CSMD3: variants seen among roughly 807,000 people sequenced by gnomAD.
CSMD3 encodes CUB and Sushi multiple domains 3.
In CSMD3, 177 loss-of-function variants were observed where a neutral mutation model predicts 435.2. The ratio of observed to expected loss-of-function variants is 0.41; its 90% CI spans 0.36 to 0.46. The LOEUF is 0.46. CSMD3 is among the 20% of genes least tolerant of loss of function. CSMD3 has a pLI of 0.34. For synonymous variants in CSMD3, 1,656 were observed against 1,520.5 expected (o/e 1.09, Z -2.07); for missense variants, 4,265 against 4,504.6 (o/e 0.95, Z 1.52).
At chr8:113,032,938 G>A (rs2087180796) in intron 5 of CSMD3, among the ~76,000 whole-genome samples, 1 of 151,458 alleles carries the variant, frequency 6.6e-6, no homozygotes, top group Non-Finnish European at 1.5e-5. Flanking sequence ...AGGGGTCAAG[G>A]CACAGCTTGG....
intron 3 of CSMD3, among the ~76,000 whole-genome samples, chr8:113,266,897 A>G (rs1230231047): frequency 6.6e-6 from 1 of 151,696 alleles, no homozygotes; most frequent in Admixed American, 6.6e-5. Flanking sequence ...CTCAAACAAC[A>G]CAACAGGAGA....
intron 20 of CSMD3, among the ~76,000 whole-genome samples, chr8:112,642,097 T>G (rs1266397109): frequency 6.6e-6 from 1 of 152,140 alleles, no homozygotes; most frequent in African/African-American, 2.4e-5. Context: ...TATATATATC[T>G]GTATGACTTG....
chr8:112,492,812 C>G, intron 30 of CSMD3, 129 bp from the exon 31 acceptor site: 1 of 777,286 alleles, frequency 1.3e-6, no homozygotes, highest in East Asian at 2.6e-5. Context: ...TGTATCTGTA[C>G]TGAATATATA....
chr8:112,911,694 T>C (rs143055775), intron 10 of CSMD3, among the ~76,000 whole-genome samples: 2,146 of 141,328 alleles, frequency 0.015, 21 homozygotes, highest in Non-Finnish European at 0.022. Context: ...ATATATTTAG[T>C]TAATTGTTAT....
intron 61 of CSMD3, among the ~76,000 whole-genome samples, chr8:112,262,310 T>G (rs926104795): frequency 6.6e-6 from 1 of 152,134 alleles, no homozygotes; most frequent in African/African-American, 2.4e-5. Context: ...ATTGTTTTAC[T>G]TTCTATACCT....
intron 1 of CSMD3, among the ~76,000 whole-genome samples, chr8:113,434,986 A>T (rs995497818): frequency 3.9e-5 from 6 of 152,186 alleles, no homozygotes; most frequent in Non-Finnish European, 8.8e-5. Flanking sequence ...TTTTTCTGCC[A>T]GGGCTGCTGC....
At chr8:112,230,563 C>T (rs1159098820) in intron 69 of CSMD3, among the ~76,000 whole-genome samples, 5 of 152,058 alleles carry the variant, frequency 3.3e-5, no homozygotes, top group Non-Finnish European at 5.9e-5. Context: ...CCAAGGCGGG[C>T]GGATCACCTG....
chr8:112,535,024 C>T (rs902163411), intron 27 of CSMD3, among the ~76,000 whole-genome samples: 6 of 152,102 alleles, frequency 3.9e-5, no homozygotes, highest in Admixed American at 6.6e-5. Context: ...ATTGATGGGA[C>T]ATATCTCAAA....
At chr8:112,876,190 G>A (rs2081276787) in intron 10 of CSMD3, among the ~76,000 whole-genome samples, 1 of 151,976 alleles carries the variant, frequency 6.6e-6, no homozygotes, top group African/African-American at 2.4e-5. Flanking sequence ...GTAATTAATA[G>A]TATACCAACC....
chr8:113,300,802 T>C (rs562968666), intron 2 of CSMD3, among the ~76,000 whole-genome samples: 2 of 152,056 alleles, frequency 1.3e-5, no homozygotes, highest in Non-Finnish European at 1.5e-5. Context: ...AATATACCCA[T>C]GTAATGACCC....
At chr8:112,343,017 T>TATATATATATTTA (rs1563815796) in intron 41 of CSMD3, among the ~76,000 whole-genome samples, 8 of 52,546 alleles carry the variant, frequency 1.5e-4, no homozygotes, top group African/African-American at 3.4e-4. Flanking sequence ...ATATATATAT[T>TATATATATATTTA]TATATATATA....
intron 27 of CSMD3, among the ~76,000 whole-genome samples, chr8:112,521,941 T>A (rs62516493): frequency 0.032 from 4,858 of 151,862 alleles, 129 homozygotes; most frequent in Non-Finnish European, 0.053. Flanking sequence ...GTTTTAGAAA[T>A]TGTTCAAAAT....
Position 112,463,831 on chromosome 8 carries a change from C to A in CSMD3, c.5395+8760G>T, listed in dbSNP as rs563802673. Among the ~76,000 whole-genome samples the A allele has an allele frequency of 2.0e-5, 3 of 152,188 alleles. No homozygotes were observed. The South Asian group carries it at 6.2e-4, about 32-fold the overall frequency. On this transcript the variant is annotated intron_variant, in intron 32 of 70. Coordinates refer to ENST00000297405, the MANE Select transcript of CSMD3 (RefSeq NM_198123.2). Reference sequence around the variant, plus strand: ...AGAAGACCCAGGGAAAATATTGATACCCTGTGCAATACATGGGCTCACTGG... The same window carrying A: ...AGAAGACCCAGGGAAAATATTGATAACCTGTGCAATACATGGGCTCACTGG...
chr8:112,938,909 G>A (rs2083367188), intron 9 of CSMD3, among the ~76,000 whole-genome samples: 1 of 152,092 alleles, frequency 6.6e-6, no homozygotes, highest in African/African-American at 2.4e-5. Flanking sequence ...CTTCTGGTAT[G>A]TGAGTTTACT....
At position 112,472,666 on chromosome 8, in the gene CSMD3, G is replaced by A. The variant is rs1267981519; in HGVS notation, c.5320C>T (p.Leu1774=). The change falls in exon 32 of 71, where the codon CTA becomes TTA. Residue 1774 remains leucine, a synonymous_variant. Transcript: ENST00000297405. ...TAATTTTTTGGATAGTTTGGTGATA[G>A]AACAGTGCCTTCTGAACCTGTTGAA... ...SRSTGSEGTV[L]SPNYPKNYSV... is the part of the protein sequence containing the mutation. 2 of 1,612,044 alleles carry A rather than the reference G, an allele frequency of 1.2e-6. No individual in the cohort carries two copies. The highest frequency in any genetic ancestry group is 1.7e-6 in the Non-Finnish European group (2 of 1,178,372).
intron 32 of CSMD3, among the ~76,000 whole-genome samples, chr8:112,464,236 T>TTAAAAAAAAAAA (rs1817729945): frequency 8.5e-6 from 1 of 117,940 alleles, no homozygotes; most frequent in African/African-American, 3.7e-5. Context: ...AGACTCTGTT[T>TTAAAAAAAAAAA]CAAAAAAAAA....
intron 10 of CSMD3, among the ~76,000 whole-genome samples, chr8:112,877,721 T>C (rs2081327883): frequency 6.6e-6 from 1 of 152,064 alleles, no homozygotes; most frequent in Non-Finnish European, 1.5e-5. Context: ...AAAACAGATA[T>C]ATTGACCAAT....
chr8:112,645,625 T>C (rs2074959605), intron 19 of CSMD3, among the ~76,000 whole-genome samples: 2 of 152,202 alleles, frequency 1.3e-5, no homozygotes, highest in Non-Finnish European at 2.9e-5. Flanking sequence ...TCATTCTTTA[T>C]AGGATTCCTT....
At chr8:113,369,391 A>G (rs1162727464) in intron 1 of CSMD3, among the ~76,000 whole-genome samples, 1 of 152,052 alleles carries the variant, frequency 6.6e-6, no homozygotes, top group Non-Finnish European at 1.5e-5. Flanking sequence ...GCTATCATAA[A>G]AAAGATAAAA....
Sources: gnomAD v4.1 joint callset for allele counts (sites outside exome capture counted in the v4.1 genomes callset) on GRCh38, gnomAD v4.1.1 for gene constraint, MANE v1.5 for transcripts, NCBI Gene and HGNC (gene_info 2026-07-23, HGNC 2026-07-21) for gene names.